Variants in NAV2 observed in about 807,000 individuals in gnomAD.
NAV2 encodes helicase, APC down-regulated 1.
In NAV2, 54 loss-of-function variants were observed where a neutral mutation model predicts 223.2. That is an observed-to-expected ratio of 0.24 (90% CI 0.19 to 0.30). NAV2 has a LOEUF of 0.30. NAV2 is among the 10% of genes least tolerant of loss of function. NAV2 has a pLI of 1.00. For missense variants in NAV2, 2,806 were observed against 3,147.5 expected (o/e 0.89, Z 2.60); for synonymous variants, 1,279 against 1,239.3 (o/e 1.03, Z -0.67).
chr11:19,349,344 C>T (rs1297624224), upstream of NAV2, among the ~76,000 whole-genome samples: 2 of 152,186 alleles, frequency 1.3e-5, no homozygotes, highest in East Asian at 3.9e-4. Context: ...CTCCTCCTCC[C>T]CCCTCACAAG....
At position 20,032,181 on chromosome 11, in the gene NAV2, C is replaced by T. The variant is rs78710579; in HGVS notation, c.2769-3778C>T. Among the ~76,000 whole-genome samples the T allele has an allele frequency of 8.3e-4, 127 of 152,312 alleles. 1 individual carries two copies. In the East Asian group the frequency reaches 0.013, roughly 16 times the overall value. The stretch of plus-strand genomic sequence containing the variant: ...GGCCACAGACAGCTCTGGCAAATAT[C>T]GAGGCTGCCCTTGCTCATTGTGGCC... On this transcript the variant is annotated intron_variant, in intron 11 of 37. Transcript: ENST00000349880.
intron 1 of NAV2, among the ~76,000 whole-genome samples, chr11:19,526,760 C>T (rs1482138914): frequency 6.6e-6 from 1 of 152,122 alleles, no homozygotes; most frequent in East Asian, 1.9e-4. Flanking sequence ...CTTGGCAACC[C>T]CTTAGGAAAT....
chr11:19,674,194 A>T (rs1229610302), intron 1 of NAV2, among the ~76,000 whole-genome samples: 1 of 151,840 alleles, frequency 6.6e-6, no homozygotes. Context: ...TGCATCAGGA[A>T]CTCTTGAAGC....
At chr11:19,508,957 T>G (rs1283443006) in intron 1 of NAV2, among the ~76,000 whole-genome samples, 2 of 152,216 alleles carry the variant, frequency 1.3e-5, no homozygotes, top group Admixed American at 1.3e-4. Flanking sequence ...CAAAACAAAA[T>G]TATTACATAA....
At chr11:19,347,572 T>C (rs528034589), upstream of NAV2, among the ~76,000 whole-genome samples, 58 of 152,182 alleles carry the variant, frequency 3.8e-4, no homozygotes, top group Non-Finnish European at 5.3e-4. Flanking sequence ...GCTTGTCTTA[T>C]GAACTTTGAG....
intron 2 of NAV2, among the ~76,000 whole-genome samples, chr11:19,840,055 C>T (rs2060428552): frequency 6.6e-6 from 1 of 152,170 alleles, no homozygotes; most frequent in African/African-American, 2.4e-5. Context: ...TTATTTATGA[C>T]AACCATAGGA....
intron 3 of NAV2, among the ~76,000 whole-genome samples, chr11:19,857,672 A>C (rs769154423): frequency 1.3e-5 from 2 of 152,068 alleles, no homozygotes; most frequent in African/African-American, 2.4e-5. Context: ...TTTTTTTCTT[A>C]AAGTTTGAGT....
intron 11 of NAV2, among the ~76,000 whole-genome samples, chr11:20,011,793 G>A (rs1366198803): frequency 6.6e-6 from 1 of 152,194 alleles, no homozygotes; most frequent in East Asian, 1.9e-4. Context: ...TCACACACAG[G>A]ATTCCATTCT....
chr11:20,050,501 G>A (rs2057881048), intron 16 of NAV2, among the ~76,000 whole-genome samples: 1 of 149,970 alleles, frequency 6.7e-6, no homozygotes, highest in Non-Finnish European at 1.5e-5. Context: ...CTCAGAGATG[G>A]ATACTGTCCT....
chr11:20,103,224 T>A, intron 32 of NAV2, 31 bp from the exon 33 acceptor site: 1 of 1,593,742 alleles, frequency 6.3e-7, no homozygotes, highest in Non-Finnish European at 8.6e-7. Context: ...TTCACCCACT[T>A]GTTCTCCTTC....
upstream of NAV2, among the ~76,000 whole-genome samples, chr11:19,708,337 T>C (rs2049736263): frequency 6.6e-6 from 1 of 152,182 alleles, no homozygotes. Context: ...AAAGTGCATT[T>C]TTTTTACTCC....
intron 12 of NAV2, among the ~76,000 whole-genome samples, chr11:20,037,158 C>G (rs899916609): frequency 2.6e-5 from 4 of 152,028 alleles, no homozygotes; most frequent in Non-Finnish European, 5.9e-5. Context: ...CGCCACCCCT[C>G]CCCACCCCCC....
At chr11:19,866,554 A>G (rs147606531) in intron 3 of NAV2, among the ~76,000 whole-genome samples, 115 of 152,348 alleles carry the variant, frequency 7.5e-4, no homozygotes, top group African/African-American at 2.5e-3. Flanking sequence ...TATCAAGGCT[A>G]GCCTTGCAAA....
intron 6 of NAV2, among the ~76,000 whole-genome samples, chr11:19,899,539 T>C (rs1178655560): frequency 1.3e-5 from 2 of 152,210 alleles, no homozygotes; most frequent in South Asian, 2.1e-4. Flanking sequence ...TCATCATTTA[T>C]AGAGCACTTA....
At chr11:19,595,711 T>A (rs949116082) in intron 1 of NAV2, among the ~76,000 whole-genome samples, 1 of 131,632 alleles carries the variant, frequency 7.6e-6, no homozygotes, top group Non-Finnish European at 1.7e-5. Context: ...CACACCACCA[T>A]GAAGGCTAAT....
intron 1 of NAV2, among the ~76,000 whole-genome samples, chr11:19,555,099 C>T (rs987010477): frequency 6.6e-6 from 1 of 151,186 alleles, no homozygotes; most frequent in East Asian, 1.9e-4. Context: ...AGATATGTGA[C>T]TATCTTAGAT....
intron 6 of NAV2, among the ~76,000 whole-genome samples, chr11:19,912,318 G>A (rs1051920461): frequency 2.6e-5 from 4 of 152,166 alleles, no homozygotes; most frequent in African/African-American, 7.2e-5. Context: ...TCTTGCAAAA[G>A]TCCTCTTTGC....
intron 11 of NAV2, among the ~76,000 whole-genome samples, chr11:19,991,231 T>C (rs917277941): frequency 6.6e-6 from 1 of 152,186 alleles, no homozygotes; most frequent in Non-Finnish European, 1.5e-5. Context: ...GCTCAAGTGA[T>C]TTTCCTGTCT....
intron 10 of NAV2, among the ~76,000 whole-genome samples, chr11:19,983,367 CAAA>C (rs940883621): frequency 6.6e-6 from 1 of 152,042 alleles, no homozygotes; most frequent in Admixed American, 6.6e-5. Context: ...GTAGTATTAC[CAAA>C]AAAAGAATAA....
Sources: gnomAD v4.1 joint callset for allele counts (sites outside exome capture counted in the v4.1 genomes callset) on GRCh38, gnomAD v4.1.1 for gene constraint, MANE v1.5 for transcripts, NCBI Gene and HGNC (gene_info 2026-07-23, HGNC 2026-07-21) for gene names.